WDR72: variants seen among roughly 807,000 people sequenced by gnomAD.
WDR72 encodes the protein WD repeat-containing protein 72.
In WDR72, 120 loss-of-function variants were observed where a neutral mutation model predicts 124.2. The ratio of observed to expected loss-of-function variants is 0.97; its 90% confidence interval spans 0.83 to 1.12. The LOEUF (loss-of-function observed/expected upper bound fraction) is 1.12, where lower values mean the gene tolerates loss of function less well. WDR72 is among the 50% of genes most tolerant of loss of function. WDR72 has a pLI of 0.00. For missense variants in WDR72, 1,387 were observed against 1,278.8 expected, an observed-to-expected ratio of 1.08 and a Z score of -1.29; for synonymous variants, 452 against 441.7, an observed-to-expected ratio of 1.02 and a Z score of -0.29.
At chr15:53,524,839 C>G (rs1892019847) in intron 18 of WDR72, among the ~76,000 whole-genome samples, 1 of 152,056 alleles carries the variant, frequency 6.6e-6, no homozygotes, top group South Asian at 2.1e-4. Flanking sequence ...CTGTGGACTT[C>G]ACATGCAACA....
At chr15:53,704,868 T>C in intron 11 of WDR72, 120 bp downstream of exon 11, 1 of 1,120,888 alleles carries the variant, frequency 8.9e-7, no homozygotes, top group Non-Finnish European at 1.3e-6. Context: ...TTAAAATATG[T>C]ACATATTTAT....
At chr15:53,528,807 A>G (rs1376491426) in intron 18 of WDR72, among the ~76,000 whole-genome samples, 5 of 152,020 alleles carry the variant, frequency 3.3e-5, no homozygotes, top group African/African-American at 1.2e-4. Flanking sequence ...AAGAGGTATC[A>G]ATTGCTTACG....
At chr15:53,536,720 T>C (rs527438437) in intron 18 of WDR72, among the ~76,000 whole-genome samples, 5 of 152,164 alleles carry the variant, frequency 3.3e-5, no homozygotes, top group African/African-American at 1.2e-4. Flanking sequence ...TTTAACGGCA[T>C]TGAAGCTAAA....
intron 13 of WDR72, among the ~76,000 whole-genome samples, chr15:53,688,572 A>G (rs1355586241): frequency 2.6e-5 from 4 of 152,182 alleles, no homozygotes; most frequent in Non-Finnish European, 5.9e-5. Flanking sequence ...GAGGATACAA[A>G]CAAATGGAAG....
rs374049989 is a variant in WDR72, at chr15:53,702,230, C to T, written c.1473G>A (p.Val491=). Residue 491 remains valine (V), a synonymous_variant, in exon 12 of 20, where the codon GTG becomes GTA. Coordinates refer to ENST00000360509, the MANE Select transcript of WDR72 (RefSeq NM_182758.4). ...WMLSGDLDSC[V]ILWDIFTEEI... Reference sequence around the variant, plus strand: ...CTTCAGTAAAGATATCCCACAAGATCACACATGAGTCCAGGTCCCCAGACA... The same window carrying T: ...CTTCAGTAAAGATATCCCACAAGATTACACATGAGTCCAGGTCCCCAGACA... The T allele has an allele frequency of 2.5e-6, 4 of 1,614,100 alleles. No homozygotes were observed. Among genetic ancestry groups the T allele is most frequent in the Non-Finnish European group, 3.4e-6 (4 of 1,180,012 alleles).
intron 19 of WDR72, among the ~76,000 whole-genome samples, chr15:53,521,561 A>G (rs561673244): frequency 6.6e-6 from 1 of 152,204 alleles, no homozygotes; most frequent in African/African-American, 2.4e-5. Flanking sequence ...ATCAGCACCT[A>G]TATTTTCTAA....
chr15:53,597,939 A>G (rs929885403), intron 17 of WDR72, among the ~76,000 whole-genome samples: 1 of 152,102 alleles, frequency 6.6e-6, no homozygotes, highest in Non-Finnish European at 1.5e-5. Context: ...TGACACCTCA[A>G]GCTTACACAG....
chr15:53,727,101 C>T (rs1471265570), intron 2 of WDR72, among the ~76,000 whole-genome samples: 1 of 151,468 alleles, frequency 6.6e-6, no homozygotes, highest in African/African-American at 2.4e-5. Flanking sequence ...CACTTGAGGT[C>T]AGATATTCAA....
chr15:53,585,542 A>G (rs559768794), intron 18 of WDR72, among the ~76,000 whole-genome samples: 4 of 152,158 alleles, frequency 2.6e-5, no homozygotes, highest in African/African-American at 9.6e-5. Context: ...TGATGCCCCC[A>G]TGCATATAAT....
rs576300831 is a variant in WDR72, at chr15:53,668,383, A to G, written c.1766-2615T>C. Among the ~76,000 whole-genome samples the G allele has an allele frequency of 1.1e-4, 16 of 152,348 alleles. No individual in the cohort carries two copies. The South Asian group carries it at 3.1e-3, about 30-fold the overall frequency. On this transcript the variant is annotated intron_variant, in intron 13 of 19. Coordinates refer to ENST00000360509, the MANE Select transcript of WDR72 (RefSeq NM_182758.4). ...AAGCAGTAAGTTAATTTTGTAATAAATTCAGGATGGCAGCTTTTGAAAGAC... is the reference window on the plus strand; with the variant it reads ...AAGCAGTAAGTTAATTTTGTAATAAGTTCAGGATGGCAGCTTTTGAAAGAC...
rs57737580 is a variant in WDR72, at chr15:53,523,330, A to AAG, written c.3149-10_3149-9dup. The AAG allele has an allele frequency of 0.014, 21,838 of 1,550,442 alleles. 24 individuals are homozygous for AAG. Among genetic ancestry groups the AAG allele is most frequent in the African/African-American group, 0.036 (2,651 of 73,522 alleles). On this transcript the variant is annotated splice_polypyrimidine_tract_variant and intron_variant, in intron 18 of 19. Coordinates refer to ENST00000360509, the MANE Select transcript of WDR72 (RefSeq NM_182758.4). ...TGACCGGGCTGACTGGAGCTATTAA[A>AAG]AGAGAGAGAGAGAGAGAGAGAGACA... is the stretch of plus-strand genomic sequence containing the variant.
chr15:53,634,229 T>A (rs1005736559), intron 14 of WDR72, among the ~76,000 whole-genome samples: 1 of 152,170 alleles, frequency 6.6e-6, no homozygotes, highest in East Asian at 1.9e-4. Context: ...CCTGCTTAAC[T>A]AGGAACCTCA....
upstream of WDR72, among the ~76,000 whole-genome samples, chr15:53,760,629 G>A (rs1171950433): frequency 6.6e-6 from 1 of 152,134 alleles, no homozygotes; most frequent in Non-Finnish European, 1.5e-5. Flanking sequence ...TGTGAACAGT[G>A]CTGCAATAAA....
intron 13 of WDR72, among the ~76,000 whole-genome samples, chr15:53,671,087 T>C (rs2140460689): frequency 6.6e-6 from 1 of 152,298 alleles, no homozygotes; most frequent in East Asian, 1.9e-4. Context: ...GGCTAGATAA[T>C]ACTTCTTAAT....
chr15:53,523,103 C>T (rs943300694), intron 19 of WDR72, 115 bp downstream of exon 19: 9 of 939,620 alleles, frequency 9.6e-6, no homozygotes, highest in Non-Finnish European at 1.6e-5. Context: ...TTTGACAGTG[C>T]AGCTGCTAAG....
chr15:53,609,149 C>G (rs1454968662), intron 17 of WDR72, among the ~76,000 whole-genome samples: 1 of 151,642 alleles, frequency 6.6e-6, no homozygotes, highest in Admixed American at 6.6e-5. Context: ...CCACAAAAAT[C>G]AAAAATTAAA....
chr15:53,615,983 T>C lies in WDR72; in HGVS notation c.2223A>G (p.Ala741=). The change falls in exon 15 of 20, where the codon GCA becomes GCG. Residue 741 remains alanine, a synonymous_variant. Transcript: ENST00000360509. ...GGCTTTCAGTAATAGGCTTGGCTAGTGCCTCTGCTGAAAGAGGACCACAGG... is the reference window on the plus strand; with the variant it reads ...GGCTTTCAGTAATAGGCTTGGCTAGCGCCTCTGCTGAAAGAGGACCACAGG... ...KTACGPLSAE[A]LAKPITESLA... The C allele has an allele frequency of 6.2e-7, 1 of 1,613,358 alleles. No homozygotes were observed. The highest frequency in any genetic ancestry group is 8.5e-7 in the Non-Finnish European group (1 of 1,179,610).
chr15:53,657,587 G>C (rs968214563), intron 14 of WDR72, among the ~76,000 whole-genome samples: 25 of 152,062 alleles, frequency 1.6e-4, no homozygotes, highest in African/African-American at 5.8e-4. Flanking sequence ...AATCCAAGAA[G>C]AAAGTTATAA....
intron 13 of WDR72, among the ~76,000 whole-genome samples, chr15:53,693,889 G>C (rs549136586): frequency 6.6e-6 from 1 of 152,290 alleles, no homozygotes; most frequent in African/African-American, 2.4e-5. Context: ...GTCATAATCA[G>C]AGGCTGGGTG....
Sources: gnomAD v4.1 joint callset for allele counts (sites outside exome capture counted in the v4.1 genomes callset) on GRCh38, gnomAD v4.1.1 for gene constraint, MANE v1.5 for transcripts, NCBI Gene and HGNC (gene_info 2026-07-23, HGNC 2026-07-21) for gene names.